SLAIN2: variants seen among roughly 807,000 people sequenced by gnomAD.
The protein encoded by SLAIN2 is SLAIN motif-containing protein 2.
In SLAIN2, 31 loss-of-function variants were observed where a neutral mutation model predicts 56.6. The observed-to-expected ratio is 0.55, with a 90% confidence interval of 0.41 to 0.74. SLAIN2 has a LOEUF of 0.74. Among genes scored for constraint, SLAIN2 ranks in the 30% least tolerant of loss-of-function variants. The pLI is 0.00. For missense variants in SLAIN2, 777 were observed against 754.2 expected, an observed-to-expected ratio of 1.03 and a Z score of -0.35; for synonymous variants, 317 against 284.9, an observed-to-expected ratio of 1.11 and a Z score of -1.13.
At position 48,424,974 on chromosome 4, in the gene SLAIN2, GC is replaced by G. The variant is rs1199127559; in HGVS notation, c.*2899del. On this transcript the variant is annotated 3_prime_UTR_variant, in exon 8 of 8. Coordinates refer to ENST00000264313, the MANE Select transcript of SLAIN2 (RefSeq NM_020846.2). The stretch of plus-strand genomic sequence containing the variant: ...TATAGCCGAACTTGTATATGTGGTT[GC>G]CTCCTTAATAAACAGCCTGACCATA... The G allele has an allele frequency of 1.3e-5, 2 of 152,006 alleles. No individual in the cohort carries two copies. Among genetic ancestry groups the G allele is most frequent in the Non-Finnish European group, 2.9e-5 (2 of 67,954 alleles). 9.4% of individuals were successfully genotyped at this position (152,006 alleles called of 1,614,324 possible). A position where few individuals can be genotyped will look rare whatever the true frequency, so the allele number is the denominator to read the frequency against.
intron 6 of SLAIN2, among the ~76,000 whole-genome samples, chr4:48,410,574 C>T (rs529789465): frequency 1.1e-3 from 173 of 152,308 alleles, no homozygotes; most frequent in African/African-American, 3.7e-3. Context: ...ATCCGCTGCG[C>T]TTTCCCCTTC....
intron 6 of SLAIN2, among the ~76,000 whole-genome samples, chr4:48,402,895 G>T (rs1716592806): frequency 6.6e-6 from 1 of 152,266 alleles, no homozygotes; most frequent in Admixed American, 6.5e-5. Flanking sequence ...ACCTTTGAAT[G>T]GGGCTTTTGT....
intron 1 of SLAIN2, among the ~76,000 whole-genome samples, chr4:48,355,416 A>G (rs1276499223): frequency 6.6e-6 from 1 of 152,312 alleles, no homozygotes; most frequent in Non-Finnish European, 1.5e-5. Context: ...CACAAACTCT[A>G]ACAATGGAGA....
rs751603685 is a variant in SLAIN2 at position 48,369,827 on chromosome 4, GTTT to G, written c.390-18_390-16del. 6.3e-7 allele frequency: 1 copy of G among 1,599,512 alleles called. No individual in the cohort carries two copies. The highest frequency in any genetic ancestry group is 8.5e-7 in the Non-Finnish European group (1 of 1,173,514). ...CCTTGTGCTTAATAAGGAATTTTCTGTTTTTTGTTGTCTTCTTCTAGGCTGTAT... is the reference window on the plus strand; with the variant it reads ...CCTTGTGCTTAATAAGGAATTTTCTGTTTGTTGTCTTCTTCTAGGCTGTAT... On this transcript the variant is annotated intron_variant, in intron 1 of 7. Transcript: ENST00000264313.
At chr4:48,349,166 C>T (rs1263194547) in intron 1 of SLAIN2, among the ~76,000 whole-genome samples, 1 of 152,120 alleles carries the variant, frequency 6.6e-6, no homozygotes, top group Non-Finnish European at 1.5e-5. Flanking sequence ...TGTTTATATA[C>T]CCTTTTTTAG....
chr4:48,393,637 A>T (rs916574799), intron 6 of SLAIN2, among the ~76,000 whole-genome samples: 1 of 152,150 alleles, frequency 6.6e-6, no homozygotes, highest in Admixed American at 6.5e-5. Context: ...TTAGAGTGAC[A>T]AGAGCTCTCT....
intron 2 of SLAIN2, among the ~76,000 whole-genome samples, chr4:48,377,536 A>G (rs1484569998): frequency 3.3e-5 from 5 of 152,072 alleles, no homozygotes; most frequent in Non-Finnish European, 4.4e-5. Flanking sequence ...ATGAGAAAAC[A>G]TAAGTATGCT....
At position 48,341,547 on chromosome 4, in the gene SLAIN2, G is replaced by A. The variant is rs1240486369; in HGVS notation, c.-193G>A. 2.6e-6 allele frequency: 2 copies of A among 778,008 alleles called. No homozygotes were observed. Among genetic ancestry groups the A allele is most frequent in the East Asian group, 3.4e-5 (1 of 29,564 alleles). 48.2% of individuals were successfully genotyped at this position (778,008 alleles called of 1,614,324 possible). A position where few individuals can be genotyped will look rare whatever the true frequency, so the allele number is the denominator to read the frequency against. On this transcript the variant is annotated 5_prime_UTR_variant, in exon 1 of 8. Transcript: ENST00000264313. ...CTCCCCCAATCCCGGAGCCGGCGCA[G>A]ATGAGGCAGTTCGGCTGGGGCCAGC... is the stretch of plus-strand genomic sequence containing the variant.
At chr4:48,410,367 C>T (rs1716813166) in intron 6 of SLAIN2, among the ~76,000 whole-genome samples, 1 of 150,706 alleles carries the variant, frequency 6.6e-6, no homozygotes, top group Admixed American at 6.6e-5. Context: ...TAAATATTTT[C>T]TCCTACTCAG....
chr4:48,383,040 C>A, intron 5 of SLAIN2, 113 bp downstream of exon 5: 2 of 1,109,896 alleles, frequency 1.8e-6, no homozygotes, highest in Non-Finnish European at 2.5e-6. Context: ...TGGTGGTGCA[C>A]ATCTATAGTC....
In SLAIN2 at chr4:48,342,027, C is replaced by T. The variant is rs1335000251; in HGVS notation, c.288C>T (p.Ser96=). ...GCGAAGAGCTGCGGGACGCCACCTC[C>T]TTGCTAGCGGCGGGCGAGGGCGGCT... ...TSSEELRDAT[S]LLAAGEGGLL... is the part of the protein sequence containing the mutation. The change falls in exon 1 of 8, where the codon TCC becomes TCT. Residue 96 remains serine (S), a synonymous_variant. Transcript: ENST00000264313. 3 of 1,410,266 alleles carry T rather than the reference C, an allele frequency of 2.1e-6. No individual in the cohort carries two copies. Among genetic ancestry groups the T allele is most frequent in the African/African-American group, 3.0e-5 (2 of 65,848 alleles). The allele number at this position is 1,410,266 out of a possible 1,614,324, so 87.4% of individuals were successfully genotyped here. A position where few individuals can be genotyped will look rare whatever the true frequency, so the allele number is the denominator to read the frequency against.
intron 1 of SLAIN2, among the ~76,000 whole-genome samples, chr4:48,364,942 TA>T (rs976891149): frequency 2.6e-5 from 4 of 151,998 alleles, no homozygotes; most frequent in African/African-American, 9.6e-5. Flanking sequence ...GTCTCTTTTA[TA>T]AGTCTATTCA....
intron 6 of SLAIN2, among the ~76,000 whole-genome samples, chr4:48,406,016 G>A (rs773099365): frequency 2.8e-4 from 42 of 152,062 alleles, no homozygotes; most frequent in Non-Finnish European, 5.1e-4. Context: ...TTCCAACTTT[G>A]CTGGAAGCCT....
chr4:48,397,064 A>G (rs1005066019), intron 6 of SLAIN2, among the ~76,000 whole-genome samples: 3 of 152,232 alleles, frequency 2.0e-5, no homozygotes, highest in African/African-American at 7.2e-5. Context: ...GGAAGTGGCT[A>G]TTTAAACTGC....
At chr4:48,353,460 G>A (rs968425071) in intron 1 of SLAIN2, among the ~76,000 whole-genome samples, 2 of 151,470 alleles carry the variant, frequency 1.3e-5, no homozygotes, top group African/African-American at 4.9e-5. Flanking sequence ...AGTAAGGCTA[G>A]GTTAGATTAA....
intron 6 of SLAIN2, 55 bp from the exon 7 acceptor site, chr4:48,420,070 G>T (rs562915245): frequency 6.4e-7 from 1 of 1,552,324 alleles, no homozygotes; most frequent in African/African-American, 1.4e-5. Context: ...TAAAGCAATG[G>T]TTTCATATAT....
At chr4:48,359,645 G>A (rs1715263069) in intron 1 of SLAIN2, among the ~76,000 whole-genome samples, 1 of 152,072 alleles carries the variant, frequency 6.6e-6, no homozygotes, top group Non-Finnish European at 1.5e-5. Context: ...GAGAAAGGGA[G>A]GTTATTATCA....
At chr4:48,402,908 G>A (rs76215994) in intron 6 of SLAIN2, among the ~76,000 whole-genome samples, 4,290 of 152,172 alleles carry the variant, frequency 0.028, 68 homozygotes, top group Admixed American at 0.046. Flanking sequence ...GCTTTTGTGC[G>A]GTCCTTTTTG....
At chr4:48,355,099 C>G (rs1015247960) in intron 1 of SLAIN2, among the ~76,000 whole-genome samples, 1 of 151,764 alleles carries the variant, frequency 6.6e-6, no homozygotes, top group African/African-American at 2.4e-5. Flanking sequence ...CCAGGCTGGT[C>G]TCTAATTCCT....
Sources: gnomAD v4.1 joint callset for allele counts (sites outside exome capture counted in the v4.1 genomes callset) on GRCh38, gnomAD v4.1.1 for gene constraint, MANE v1.5 for transcripts, NCBI Gene and HGNC (gene_info 2026-07-23, HGNC 2026-07-21) for gene names.